OXNAD1: variants seen among roughly 807,000 people sequenced by gnomAD.
OXNAD1 encodes the protein oxidoreductase NAD-binding domain-containing protein 1.
A neutral mutation model predicts 32.9 loss-of-function variants in OXNAD1; 34 were observed. That is an observed-to-expected ratio of 1.03 (90% CI 0.79 to 1.38). The LOEUF is 1.38. Among genes scored for constraint, OXNAD1 ranks in the 40% most tolerant of loss-of-function variants. OXNAD1 has a pLI of 0.00. For missense variants in OXNAD1, 407 were observed against 379.4 expected, an observed-to-expected ratio of 1.07 and a Z score of -0.60; for synonymous variants, 134 against 135.2, an observed-to-expected ratio of 0.99 and a Z score of 0.06.
rs1027734965 is a variant in OXNAD1, at chr3:16,336,931, C to T, written c.*31-181C>T. On this transcript the variant is annotated intron_variant, in intron 9 of 9. Transcript: ENST00000435829. The surrounding 1 kb of genome is among the most constrained non-coding windows in gnomAD (Gnocchi z 6.0). ...GTGTCTATTATGACTTCCCTGTGTCCAGGCCACTTTCCAACACAGCTCGGC... is the reference window on the plus strand; with the variant it reads ...GTGTCTATTATGACTTCCCTGTGTCTAGGCCACTTTCCAACACAGCTCGGC... 6.6e-6 allele frequency among the ~76,000 whole-genome samples: 1 copy of T among 152,156 alleles called. No individual in the cohort carries two copies. Among genetic ancestry groups the T allele is most frequent in the Non-Finnish European group, 1.5e-5 (1 of 68,032 alleles).
chr3:16,344,659 A>C lies in OXNAD1; in HGVS notation c.*31-4517A>C, dbSNP rs1318544118. 6.6e-6 allele frequency among the ~76,000 whole-genome samples: 1 copy of C among 152,186 alleles called. No individual in the cohort carries two copies. Among genetic ancestry groups the C allele is most frequent in the East Asian group, 1.9e-4 (1 of 5,200 alleles). ...TGCACAAGCCCCTGAAAAAGATGTGAAACAGGCCAAGGCACAGGATGGCAT... is the reference window on the plus strand; with the variant it reads ...TGCACAAGCCCCTGAAAAAGATGTGCAACAGGCCAAGGCACAGGATGGCAT... On this transcript the variant is annotated intron_variant, in intron 9 of 9. Coordinates refer to the OXNAD1 transcript ENST00000606098. This position sits in a 1 kb window ranked among gnomAD's most constrained non-coding sequence, Gnocchi z 4.4.
At chr3:16,325,074 T>TTAC (rs1369768611) in intron 9 of OXNAD1, among the ~76,000 whole-genome samples, 2 of 152,242 alleles carry the variant, frequency 1.3e-5, no homozygotes, top group Non-Finnish European at 2.9e-5. Context: ...TCTTTACATG[T>TTAC]TACTGCATTC....
In OXNAD1 at chr3:16,303,495, T is replaced by C; in HGVS notation, c.872T>C (p.Phe291Ser). 6.2e-7 allele frequency: 1 copy of C among 1,614,044 alleles called. No homozygotes were observed. Among genetic ancestry groups the C allele is most frequent in the South Asian group, 1.1e-5 (1 of 91,082 alleles). Residue 291 changes from phenylalanine to serine, a missense_variant, in exon 9 of 9, where the codon TTT becomes TCT. By Grantham distance (155) the Phe-to-Ser change is radical (BLOSUM62 -2). Transcript: ENST00000285083. This position sits in a 1 kb window ranked among gnomAD's most constrained non-coding sequence, Gnocchi z 4.8. Reference sequence around the variant, plus strand: ...TGTGGCCCACCTCCAATGACAGACTTTTTCTCCAAGCAACTGGAAAACAAC... The same window carrying C: ...TGTGGCCCACCTCCAATGACAGACTCTTTCTCCAAGCAACTGGAAAACAAC... ...YICGPPPMTD[F>S]FSKQLENNHV...
At chr3:16,324,013 G>A (rs116437161) in intron 9 of OXNAD1, among the ~76,000 whole-genome samples, 4,498 of 152,276 alleles carry the variant, frequency 0.03, 103 homozygotes, top group Middle Eastern at 0.078. Context: ...GGGGCGACTC[G>A]TATCTTACAA....
In OXNAD1 at chr3:16,316,530, C is replaced by T. The variant is rs2068413716; in HGVS notation, c.*30+12938C>T. On this transcript the variant is annotated intron_variant, in intron 9 of 9. Coordinates refer to the OXNAD1 transcript ENST00000435829. The surrounding 1 kb of genome is among the most constrained non-coding windows in gnomAD (Gnocchi z 4.5). Reference sequence around the variant, plus strand: ...AGGACAGGCACTGGATGGTCCAGACCCTCTGGCTGGAGGAGTGGTGGAGCC... The same window carrying T: ...AGGACAGGCACTGGATGGTCCAGACTCTCTGGCTGGAGGAGTGGTGGAGCC... 4.5e-6 allele frequency: 2 copies of T among 440,676 alleles called. No homozygotes were observed. Among genetic ancestry groups the T allele is most frequent in the Admixed American group, 8.1e-5 (2 of 24,812 alleles). The allele number at this position is 440,676 out of a possible 1,614,324, so 27.3% of individuals were successfully genotyped here.
intron 4 of OXNAD1, among the ~76,000 whole-genome samples, chr3:16,283,995 G>A (rs909341348): frequency 2.0e-5 from 3 of 152,182 alleles, no homozygotes; most frequent in Non-Finnish European, 2.9e-5. Flanking sequence ...GTTAAGGTGA[G>A]CATCAAGGAA....
At chr3:16,339,988 C>T (rs532988037), downstream of OXNAD1, 2 of 152,280 alleles carry the variant, frequency 1.3e-5, no homozygotes, top group Admixed American at 1.3e-4. Context: ...ATTAATTTGC[C>T]AGGATGCTGT....
Position 16,305,543 on chromosome 3 carries a change from G to C in OXNAD1, c.*1981G>C, listed in dbSNP as rs1003145242. 6.6e-6 allele frequency: 1 copy of C among 152,250 alleles called. No homozygotes were observed. Among genetic ancestry groups the C allele is most frequent in the Non-Finnish European group, 1.5e-5 (1 of 68,064 alleles). The allele number at this position is 152,250 out of a possible 1,614,324, so 9.4% of individuals were successfully genotyped here. On this transcript the variant is annotated 3_prime_UTR_variant, in exon 9 of 9. Coordinates refer to ENST00000285083, the MANE Select transcript of OXNAD1 (RefSeq NM_138381.5). The surrounding 1 kb of genome is among the most constrained non-coding windows in gnomAD (Gnocchi z 4.5). ...AACATTTTCAGGTCTAGCCGAGAATGTCCTCTTGCTCTTGCCTGCCAGGCC... is the reference window on the plus strand; with the variant it reads ...AACATTTTCAGGTCTAGCCGAGAATCTCCTCTTGCTCTTGCCTGCCAGGCC...
At position 16,329,802 on chromosome 3, in the gene OXNAD1, A is replaced by G. The variant is rs2125239607; in HGVS notation, c.*31-7310A>G. The stretch of plus-strand genomic sequence containing the variant: ...TGTGACAAACCCGCCACAATCAGAC[A>G]GTAGCCATGGCAACCAGGACAAGCT... On this transcript the variant is annotated intron_variant, in intron 9 of 9. Transcript: ENST00000435829. The surrounding 1 kb of genome is among the most constrained non-coding windows in gnomAD (Gnocchi z 4.5). Among the ~76,000 whole-genome samples, 1 of 152,326 alleles carries G rather than the reference A, an allele frequency of 6.6e-6. No individual in the cohort carries two copies. The highest frequency in any genetic ancestry group is 1.5e-5 in the Non-Finnish European group (1 of 68,024).
In OXNAD1 at chr3:16,298,787, GTTGT is replaced by G. The variant is rs748046986; in HGVS notation, c.433-2836_433-2833del. Among the ~76,000 whole-genome samples, 11 of 152,174 alleles carry G rather than the reference GTTGT, an allele frequency of 7.2e-5. No homozygotes were observed. Among genetic ancestry groups the G allele is most frequent in the Non-Finnish European group, 1.3e-4 (9 of 68,034 alleles). On this transcript the variant is annotated intron_variant, in intron 6 of 8. Coordinates refer to ENST00000285083, the MANE Select transcript of OXNAD1 (RefSeq NM_138381.5). This position sits in a 1 kb window ranked among gnomAD's most constrained non-coding sequence, Gnocchi z 5.1. ...GCTCAGCTCCAGTTGCTGTGGAAAG[GTTGT>G]TTATTTCACAAGTAGAAAATCTATA...
chr3:16,295,621 A>C (rs1010933168), intron 6 of OXNAD1, among the ~76,000 whole-genome samples: 2 of 152,118 alleles, frequency 1.3e-5, no homozygotes, highest in East Asian at 1.9e-4. Context: ...CAGATCAGTT[A>C]CTCGTTGTCT....
At chr3:16,281,010 GATAAA>G (rs1430709829) in intron 4 of OXNAD1, among the ~76,000 whole-genome samples, 2 of 152,142 alleles carry the variant, frequency 1.3e-5, no homozygotes, top group Admixed American at 1.3e-4. Flanking sequence ...CAATACAAAT[GATAAA>G]ATAAATAGTT....
intron 4 of OXNAD1, among the ~76,000 whole-genome samples, chr3:16,281,050 A>G (rs2065702908): frequency 6.6e-6 from 1 of 152,256 alleles, no homozygotes; most frequent in African/African-American, 2.4e-5. Flanking sequence ...TGCCTATCCA[A>G]CAAAAGAATA....
rs750491540 is a variant in OXNAD1 at position 16,313,205 on chromosome 3, A to ATTTTTTTTTTTTTTTTTTTTTTTT, written c.*30+9631_*30+9632insTTTTTTTTTTTTTTTTTTTTTTTT. Among the ~76,000 whole-genome samples, 13 of 103,794 alleles carry ATTTTTTTTTTTTTTTTTTTTTTTT rather than the reference A, an allele frequency of 1.3e-4. 1 individual carries two copies. The highest frequency in any genetic ancestry group is 1.7e-4 in the Non-Finnish European group (9 of 52,494). The allele number at this position is 103,794 out of a possible 152,430, so 68.1% of individuals were successfully genotyped here. On this transcript the variant is annotated intron_variant, in intron 9 of 9. Coordinates refer to the OXNAD1 transcript ENST00000435829. ...GTACATGTACCACCACACCCAGCGG[A>ATTTTTTTTTTTTTTTTTTTTTTTT]TTTTTTTTTTTTTTTTTTGCAGAGG...
rs142304728 is a variant in OXNAD1 at position 16,287,761 on chromosome 3, G to A, written c.290+1313G>A. On this transcript the variant is annotated intron_variant, in intron 5 of 8. Coordinates refer to ENST00000285083, the MANE Select transcript of OXNAD1 (RefSeq NM_138381.5). The surrounding 1 kb of genome is among the most constrained non-coding windows in gnomAD (Gnocchi z 4.8). ...AAGTGTAATGCACTTGCTAACCTCA[G>A]TTACCTGATAAGAAAATGTCCTCAT... 8.1e-4 allele frequency among the ~76,000 whole-genome samples: 124 copies of A among 152,284 alleles called. No homozygotes were observed. In the East Asian group the frequency reaches 8.9e-3, roughly 11 times the overall value.
At chr3:16,269,464 A>AGAAATATAT (rs1183106202) in intron 2 of OXNAD1, among the ~76,000 whole-genome samples, 189 bp downstream of exon 2, 1 of 152,274 alleles carries the variant, frequency 6.6e-6, no homozygotes, top group African/African-American at 2.4e-5. Context: ...TATGACAAGA[A>AGAAATATAT]GAAATATATC....
At position 16,294,992 on chromosome 3, in the gene OXNAD1, A is replaced by G; in HGVS notation, c.427A>G (p.Asn143Asp). 1 of 1,611,584 alleles carries G rather than the reference A, an allele frequency of 6.2e-7. No homozygotes were observed. The change falls in exon 6 of 9, where the codon AAT becomes GAT. Residue 143 changes from asparagine to aspartate, a missense_variant. Transcript: ENST00000285083. Reference sequence around the variant, plus strand: ...CCACCCTCCTGCCCTCTGGGTTCACAATACGGTAAGCACACTGCCTGTTTA... The same window carrying G: ...CCACCCTCCTGCCCTCTGGGTTCACGATACGGTAAGCACACTGCCTGTTTA... ...TNHPPALWVH[N>D]TCTLDCEVAV...
In OXNAD1 at chr3:16,267,684, A is replaced by G. The variant is rs138790168; in HGVS notation, c.-158-1442A>G. On this transcript the variant is annotated intron_variant, in intron 1 of 8. Transcript: ENST00000285083. ...CCCCATCACTCTTACTCCCTTTATC[A>G]TACTCATCATAATCTATAATTATCT... Among the ~76,000 whole-genome samples the G allele has an allele frequency of 3.3e-5, 5 of 152,236 alleles. No individual in the cohort carries two copies. In the East Asian group the frequency reaches 7.7e-4, roughly 24 times the overall value.
chr3:16,331,153 G>C (rs2070269004), intron 9 of OXNAD1, among the ~76,000 whole-genome samples: 1 of 152,202 alleles, frequency 6.6e-6, no homozygotes. Flanking sequence ...ACAGGACTGA[G>C]ACCTTGCCTT....
Sources: allele counts gnomAD v4.1 joint callset (sites outside exome capture counted in the v4.1 genomes callset), GRCh38; gene constraint gnomAD v4.1.1; non-coding constraint Gnocchi (gnomAD v3.1); transcripts MANE v1.5; gene names NCBI Gene and HGNC (gene_info 2026-07-23, HGNC 2026-07-21).